The following DOCK1 variants were observed in gnomAD, a reference collection of about 807,000 sequenced individuals.
DOCK1 encodes dedicator of cytokinesis 1, also known as dedicator of cytokinesis protein 1.
Under a neutral mutation model 262.7 loss-of-function variants are expected in DOCK1, and 138 were observed. The ratio of observed to expected loss-of-function variants is 0.53; its 90% CI spans 0.46 to 0.61. The LOEUF (loss-of-function observed/expected upper bound fraction) is 0.61. DOCK1 is among the 20% of genes least tolerant of loss of function. DOCK1 has a pLI of 0.00. For missense variants in DOCK1, 1,908 were observed against 2,370.7 expected (o/e 0.80, Z 4.05); for synonymous variants, 866 against 867.4 (o/e 1.00, Z 0.03).
chr10:127,347,303 T>G (rs1000305499), intron 31 of DOCK1, among the ~76,000 whole-genome samples: 7 of 152,096 alleles, frequency 4.6e-5, no homozygotes, highest in Non-Finnish European at 1.0e-4. Flanking sequence ...ACGAAGAAGG[T>G]CATGGTCTAG....
At chr10:127,378,520 G>C (rs939443940) in intron 35 of DOCK1, among the ~76,000 whole-genome samples, 2 of 152,198 alleles carry the variant, frequency 1.3e-5, no homozygotes, top group South Asian at 4.1e-4. Flanking sequence ...GATTGGAGAT[G>C]AGTGTACTTC....
At chr10:126,934,531 A>G (rs2034419217) in intron 1 of DOCK1, among the ~76,000 whole-genome samples, 1 of 152,236 alleles carries the variant, frequency 6.6e-6, no homozygotes, top group Non-Finnish European at 1.5e-5. Flanking sequence ...GACGAGTTAT[A>G]ACATTATCTT....
At chr10:126,968,892 C>G (rs1253464325) in intron 1 of DOCK1, among the ~76,000 whole-genome samples, 2 of 152,148 alleles carry the variant, frequency 1.3e-5, no homozygotes, top group Admixed American at 6.5e-5. Context: ...CAGTTGAGGA[C>G]ACTTACATTT....
intron 1 of DOCK1, among the ~76,000 whole-genome samples, chr10:126,970,027 T>A (rs1418836550): frequency 6.6e-6 from 1 of 152,178 alleles, no homozygotes; most frequent in Admixed American, 6.5e-5. Flanking sequence ...GCTAGTTGAA[T>A]ACTTTTTGGG....
At chr10:127,349,248 G>A (rs774323729) in intron 31 of DOCK1, among the ~76,000 whole-genome samples, 1 of 151,736 alleles carries the variant, frequency 6.6e-6, no homozygotes, top group Non-Finnish European at 1.5e-5. Flanking sequence ...GCACTGCATT[G>A]CCCCAGAACC....
intron 1 of DOCK1, among the ~76,000 whole-genome samples, chr10:126,952,753 G>C (rs1279405848): frequency 6.6e-6 from 1 of 152,224 alleles, no homozygotes; most frequent in Non-Finnish European, 1.5e-5. Flanking sequence ...AGTATTGGTG[G>C]TAGTATTGTT....
At chr10:127,373,213 G>A (rs1239488570) in intron 33 of DOCK1, among the ~76,000 whole-genome samples, 1 of 152,184 alleles carries the variant, frequency 6.6e-6, no homozygotes, top group Non-Finnish European at 1.5e-5. Context: ...AGGATAGGCT[G>A]GAGATGGACC....
At chr10:127,076,267 C>G (rs778138493) in intron 23 of DOCK1, among the ~76,000 whole-genome samples, 1 of 152,152 alleles carries the variant, frequency 6.6e-6, no homozygotes. Context: ...TTTGGGAGGC[C>G]GAGGTGGGCG....
At chr10:127,242,290 C>T (rs758329837) in intron 27 of DOCK1, among the ~76,000 whole-genome samples, 3 of 152,226 alleles carry the variant, frequency 2.0e-5, no homozygotes, top group Non-Finnish European at 4.4e-5. Flanking sequence ...TCTGTGCAGA[C>T]TTTGCAGGAG....
At chr10:127,280,015 T>G (rs1275629689) in intron 29 of DOCK1, among the ~76,000 whole-genome samples, 1 of 137,400 alleles carries the variant, frequency 7.3e-6, no homozygotes, top group Non-Finnish European at 1.5e-5. Context: ...ATTTCATATA[T>G]ATATATATAT....
In DOCK1 at chr10:127,283,357, T is replaced by C. The variant is rs533235270; in HGVS notation, c.3044+25928T>C. ...TTGGAGCAAACCCTTGAACAGGGGC[T>C]GGGCCCACCTTTGTAGTCTTGTCAC... On this transcript the variant is annotated intron_variant, in intron 29 of 51. Coordinates refer to ENST00000623213, the MANE Select transcript of DOCK1 (RefSeq NM_001290223.2). Among the ~76,000 whole-genome samples, 12 of 152,356 alleles carry C rather than the reference T, an allele frequency of 7.9e-5. No homozygotes were observed. The South Asian group carries it at 2.5e-3, about 32-fold the overall frequency.
At chr10:127,097,638 C>G (rs1424497737) in intron 23 of DOCK1, among the ~76,000 whole-genome samples, 1 of 152,182 alleles carries the variant, frequency 6.6e-6, no homozygotes, top group East Asian at 1.9e-4. Flanking sequence ...CGTCCCCCCA[C>G]TGGTGGACAG....
chr10:127,268,560 G>T (rs1259958252), intron 29 of DOCK1, among the ~76,000 whole-genome samples: 1 of 146,020 alleles, frequency 6.8e-6, no homozygotes, highest in Non-Finnish European at 1.5e-5. Flanking sequence ...GTGATTTATT[G>T]CAGTGACTCT....
chr10:127,439,168 A>T lies in DOCK1; in HGVS notation c.5202A>T (p.Glu1734Asp), dbSNP rs540102365. 77 of 1,611,070 alleles carry T rather than the reference A, an allele frequency of 4.8e-5. No individual in the cohort carries two copies. The East Asian group carries it at 1.5e-3, about 31-fold the overall frequency. Residue 1734 changes from glutamate (E) to aspartate (D), a missense_variant, in exon 49 of 52, where the codon GAA (glutamate) becomes GAT (aspartate). By Grantham distance (45) the Glu-to-Asp change is conservative. Coordinates refer to ENST00000623213, the MANE Select transcript of DOCK1 (RefSeq NM_001290223.2). Reference protein sequence around the residue: ...NSKHQEIFEKEFKPTDISLQQ... With the variant: ...NSKHQEIFEKDFKPTDISLQQ... ...AACATCAAGAGATATTTGAGAAAGA[A>T]TTTAAACCCACCGACATTTCCCTGC...
intron 23 of DOCK1, among the ~76,000 whole-genome samples, chr10:127,098,394 G>C (rs1215978927): frequency 6.6e-6 from 1 of 152,140 alleles, no homozygotes; most frequent in Non-Finnish European, 1.5e-5. Flanking sequence ...CGCTGAGGAG[G>C]TTTTCCATGT....
intron 23 of DOCK1, among the ~76,000 whole-genome samples, chr10:127,105,519 G>A (rs1389093065): frequency 6.6e-6 from 1 of 152,182 alleles, no homozygotes; most frequent in Non-Finnish European, 1.5e-5. Flanking sequence ...ATCATTGAAT[G>A]TAGAAGAGTT....
chr10:127,301,717 G>A (rs2061684484), intron 29 of DOCK1, among the ~76,000 whole-genome samples: 1 of 152,084 alleles, frequency 6.6e-6, no homozygotes, highest in Non-Finnish European at 1.5e-5. Flanking sequence ...AGGCCGAGGA[G>A]GGCAGATCAC....
intron 27 of DOCK1, chr10:127,135,469 A>G (rs1423467924): frequency 6.6e-6 from 1 of 152,668 alleles, no homozygotes; most frequent in Non-Finnish European, 1.5e-5. Flanking sequence ...TAAAGAACTT[A>G]ACGACAAGTA....
At chr10:127,111,233 C>T (rs1235999334) in intron 25 of DOCK1, among the ~76,000 whole-genome samples, 1 of 152,170 alleles carries the variant, frequency 6.6e-6, no homozygotes, top group Non-Finnish European at 1.5e-5. Flanking sequence ...TTTTAATCTT[C>T]TTTCTTGGCT....
Sources: gnomAD v4.1 joint callset for allele counts (sites outside exome capture counted in the v4.1 genomes callset) on GRCh38, gnomAD v4.1.1 for gene constraint, MANE v1.5 for transcripts, NCBI Gene and HGNC (gene_info 2026-07-23, HGNC 2026-07-21) for gene names.